Variants in UGT3A1 observed in about 807,000 individuals in gnomAD.
UGT3A1 encodes the protein UDP-glycosyltransferase 3A1.
In UGT3A1, 40 loss-of-function variants were observed where a neutral mutation model predicts 37.6. The observed-to-expected ratio is 1.06, with a 90% confidence interval of 0.83 to 1.38. UGT3A1 has a LOEUF of 1.38. Ranked by LOEUF, UGT3A1 falls within the 40% of genes most tolerant of loss-of-function variation. UGT3A1 has a pLI of 0.00. For missense variants in UGT3A1, 642 were observed against 634.2 expected, an observed-to-expected ratio of 1.01 and a Z score of -0.13; for synonymous variants, 256 against 232.3, an observed-to-expected ratio of 1.10 and a Z score of -0.93.
intron 6 of UGT3A1, chr5:35,955,273 C>G: frequency 2.5e-6 from 1 of 393,928 alleles, no homozygotes; most frequent in Non-Finnish European, 4.6e-6. Flanking sequence ...GAAGGGTGTT[C>G]TAGGGAGCAG....
At chr5:35,969,007 A>G (rs183685629) in intron 2 of UGT3A1, among the ~76,000 whole-genome samples, 4 of 152,348 alleles carry the variant, frequency 2.6e-5, no homozygotes, top group Admixed American at 2.6e-4. Flanking sequence ...TCTCAACTAC[A>G]GCATGAGCTG....
At chr5:35,954,813 A>C in intron 6 of UGT3A1, 1 of 242,578 alleles carries the variant, frequency 4.1e-6, no homozygotes, top group South Asian at 9.7e-5. Flanking sequence ...ATGAGAGAAT[A>C]TGTACCTGAT....
At chr5:35,988,304 C>A in intron 2 of UGT3A1, 146 bp downstream of exon 2, 1 of 567,560 alleles carries the variant, frequency 1.8e-6, no homozygotes, top group South Asian at 2.7e-5. Flanking sequence ...CAATACTTAA[C>A]ATGAACACAC....
At chr5:35,974,981 G>A (rs750358367) in intron 2 of UGT3A1, among the ~76,000 whole-genome samples, 1 of 152,218 alleles carries the variant, frequency 6.6e-6, no homozygotes, top group African/African-American at 2.4e-5. Context: ...GTGGCAAGAA[G>A]TTCTGGGGAA....
chr5:35,998,798 T>C (rs921020413), intron 1 of UGT3A1, among the ~76,000 whole-genome samples: 2 of 151,864 alleles, frequency 1.3e-5, no homozygotes, highest in Non-Finnish European at 2.9e-5. Flanking sequence ...AGTTGCCAAA[T>C]TGATTGCCCT....
chr5:35,982,282 T>C (rs1740555833), intron 2 of UGT3A1, among the ~76,000 whole-genome samples: 1 of 152,032 alleles, frequency 6.6e-6, no homozygotes, highest in African/African-American at 2.4e-5. Flanking sequence ...TGTAGAACCA[T>C]CCTCCTGGAA....
At chr5:36,000,673 A>T (rs1228321855) in intron 1 of UGT3A1, among the ~76,000 whole-genome samples, 1 of 152,260 alleles carries the variant, frequency 6.6e-6, no homozygotes, top group Non-Finnish European at 1.5e-5. Context: ...CCCAAGACAC[A>T]GGACCAGGCA....
intron 3 of UGT3A1, 62 bp from the exon 4 acceptor site, chr5:35,965,979 A>C: frequency 7.9e-7 from 1 of 1,264,104 alleles, no homozygotes; most frequent in Middle Eastern, 2.8e-4. Context: ...TATTTGGGAG[A>C]ATGTTAGACT....
upstream of UGT3A1, among the ~76,000 whole-genome samples, chr5:35,993,334 C>T (rs369027997): frequency 3.9e-5 from 6 of 151,970 alleles, no homozygotes; most frequent in African/African-American, 1.2e-4. Flanking sequence ...CGTGGTAGCA[C>T]GTGCCTGTAA....
intron 1 of UGT3A1, among the ~76,000 whole-genome samples, chr5:35,998,962 C>T (rs1741157799): frequency 6.6e-6 from 1 of 151,994 alleles, no homozygotes; most frequent in South Asian, 2.1e-4. Context: ...ATAGGCCGAG[C>T]GCGGTGGCTC....
At position 35,965,426 on chromosome 5, in the gene UGT3A1, A is replaced by G; in HGVS notation, c.803T>C (p.Ile268Thr). The change falls in exon 4 of 7, where the codon ATT becomes ACT. Residue 268 changes from isoleucine to threonine, a missense_variant. By Grantham distance (89) the Ile-to-Thr change is moderately conservative (BLOSUM62 -1). Transcript: ENST00000274278. Reference protein sequence around the residue: ...ARPLLPNTVYIGGLMEKPIKP... With the variant: ...ARPLLPNTVYTGGLMEKPIKP... ...AATAGGTTTTTCCATCAAGCCTCCA[A>G]TATAAACAGTGTTGGGAAGCAGGGG... The G allele has an allele frequency of 6.2e-7, 1 of 1,614,160 alleles. No homozygotes were observed.
Position 35,965,693 on chromosome 5 carries a change from C to A in UGT3A1, c.536G>T (p.Ser179Ile), listed in dbSNP as rs758012487. Residue 179 changes from serine (S) to isoleucine (I), a missense_variant, in exon 4 of 7, where the codon AGC (serine) becomes ATC (isoleucine). Ser to Ile is a moderately radical substitution (Grantham distance 142). Transcript: ENST00000274278. ...GAATACTGGAACATAAGACAAGGGG[C>A]TTGGTAGCCCAAAATCCAAAGAGCC... ...TFGSLDFGLP[S>I]PLSYVPVFPS... is the part of the protein sequence containing the mutation. The A allele has an allele frequency of 1.2e-6, 2 of 1,614,152 alleles. No individual in the cohort carries two copies. Among genetic ancestry groups the A allele is most frequent in the Admixed American group, 3.3e-5 (2 of 60,022 alleles).
chr5:35,986,422 T>A (rs868051061), intron 2 of UGT3A1, among the ~76,000 whole-genome samples: 1 of 152,254 alleles, frequency 6.6e-6, no homozygotes, highest in Middle Eastern at 3.4e-3. Flanking sequence ...GCAATCAACC[T>A]TAGTGCACAT....
In UGT3A1 at chr5:35,951,624, G is replaced by A. The variant is rs1739202330; in HGVS notation, c.*2578C>T. ...GTCTATGTGTAAGATATATGCTGCA[G>A]CTATGTTTCTCCAACTTTTTAATTT... is the stretch of plus-strand genomic sequence containing the variant. On this transcript the variant is annotated 3_prime_UTR_variant, in exon 7 of 7. Transcript: ENST00000274278. 6.6e-6 allele frequency: 1 copy of A among 152,142 alleles called. No homozygotes were observed. The highest frequency in any genetic ancestry group is 2.4e-5 in the African/African-American group (1 of 41,436). The allele number at this position is 152,142 out of a possible 1,614,324, so 9.4% of individuals were successfully genotyped here. A position where few individuals can be genotyped will look rare whatever the true frequency, so the allele number is the denominator to read the frequency against.
Position 35,957,398 on chromosome 5 carries a change from T to C in UGT3A1, c.865A>G (p.Asn289Asp), listed in dbSNP as rs750567690. ...AGGACAAACCCTGCATCCCCAAAGT[T>C]GGCAATGAAGTTGTCCAAGTCCTAG... ...VPQDLDNFIA[N>D]FGDAGFVLVA... Residue 289 changes from asparagine to aspartate, a missense_variant, in exon 5 of 7, where the codon AAC becomes GAC. By Grantham distance (23) the Asn-to-Asp change is conservative (BLOSUM62 1). Transcript: ENST00000274278. The C allele has an allele frequency of 1.2e-6, 2 of 1,614,042 alleles. No individual in the cohort carries two copies. The highest frequency in any genetic ancestry group is 3.3e-5 in the Admixed American group (2 of 60,002).
Position 35,954,328 on chromosome 5 carries a change from C to T in UGT3A1, c.1446G>A (p.Glu482=), listed in dbSNP as rs145860564. The T allele has an allele frequency of 2.4e-5, 38 of 1,614,084 alleles. No homozygotes were observed. The African/African-American group carries it at 4.9e-4, about 21-fold the overall frequency. The change falls in exon 7 of 7, where the codon GAG becomes GAA. Residue 482 remains glutamate (E), a synonymous_variant. Transcript: ENST00000274278. The part of the protein sequence containing the change: ...KPYAFQQPWH[E]QYLIDVFVFL... ...ACACAAAGACATCAATGAGGTACTG[C>T]TCATGCCAAGGCTGCTGGAAGGCAT...
intron 6 of UGT3A1, chr5:35,955,375 A>C (rs1739310741): frequency 1.7e-6 from 1 of 586,248 alleles, no homozygotes; most frequent in Non-Finnish European, 3.0e-6. Context: ...CACTAGAGGG[A>C]CTCCCAAATA....
chr5:35,956,816 C>G (rs1489340034), intron 5 of UGT3A1, among the ~76,000 whole-genome samples: 1 of 152,130 alleles, frequency 6.6e-6, no homozygotes, highest in Non-Finnish European at 1.5e-5. Flanking sequence ...AGAACAGGGG[C>G]AACATACTCC....
chr5:35,993,402 T>A (rs76384500), upstream of UGT3A1, among the ~76,000 whole-genome samples: 1 of 151,320 alleles, frequency 6.6e-6, no homozygotes, highest in South Asian at 2.1e-4. Flanking sequence ...AGGCGGAGGT[T>A]GCAGTGAGCC....
Sources: allele counts gnomAD v4.1 joint callset (sites outside exome capture counted in the v4.1 genomes callset), GRCh38; gene constraint gnomAD v4.1.1; transcripts MANE v1.5; gene names NCBI Gene and HGNC (gene_info 2026-07-23, HGNC 2026-07-21).